The following PAK1 variants were observed in gnomAD, a reference collection of about 807,000 sequenced individuals.
The protein encoded by PAK1 is serine/threonine-protein kinase PAK 1.
A neutral mutation model predicts 67.4 loss-of-function variants in PAK1; 29 were observed. The ratio of observed to expected loss-of-function variants is 0.43; its 90% confidence interval spans 0.32 to 0.59. The LOEUF (loss-of-function observed/expected upper bound fraction) is 0.59. Ranked by LOEUF, PAK1 falls within the 20% of genes least tolerant of loss-of-function variation. The pLI, the probability that PAK1 is intolerant of heterozygous loss-of-function variation, is 0.07. For missense variants in PAK1, 337 were observed against 670.7 expected (o/e 0.50, Z 5.50); for synonymous variants, 223 against 237.4 (o/e 0.94, Z 0.56).
intron 13 of PAK1, among the ~76,000 whole-genome samples, chr11:77,333,332 G>C (rs1380657764): frequency 6.6e-6 from 1 of 151,552 alleles, no homozygotes; most frequent in Non-Finnish European, 1.5e-5. Flanking sequence ...CAAGTAGCTG[G>C]GATTACAGGC....
At chr11:77,437,459 A>T (rs1432153917) in intron 1 of PAK1, among the ~76,000 whole-genome samples, 1 of 152,330 alleles carries the variant, frequency 6.6e-6, no homozygotes, top group East Asian at 1.9e-4. Flanking sequence ...GATTATAATA[A>T]TATTATTAAT....
intron 1 of PAK1, among the ~76,000 whole-genome samples, chr11:77,439,626 G>A (rs1251609484): frequency 1.3e-5 from 2 of 152,084 alleles, no homozygotes; most frequent in African/African-American, 4.8e-5. Flanking sequence ...AAATACCCAA[G>A]GACTTTTCTG....
At chr11:77,446,499 G>A (rs574749254) in intron 1 of PAK1, among the ~76,000 whole-genome samples, 1 of 128,450 alleles carries the variant, frequency 7.8e-6, no homozygotes, top group South Asian at 2.4e-4. Context: ...GTGAAACAGC[G>A]AGACCCTGTC....
At chr11:77,349,997 T>TA (rs1565601550) in intron 8 of PAK1, among the ~76,000 whole-genome samples, 1 of 152,176 alleles carries the variant, frequency 6.6e-6, no homozygotes, top group Non-Finnish European at 1.5e-5. Flanking sequence ...GTTGTACACT[T>TA]ATGTATGCTA....
Position 77,359,004 on chromosome 11 carries a change from A to T in PAK1, c.491T>A (p.Val164Glu). The part of the protein sequence containing the change: ...NSSNALNVKA[V>E]SETPAVPPVS... ...TGGTGGCACTGCAGGAGTCTCAGACACAGCCTTCACATTCTGTGCAAAGAA... is the reference window on the plus strand; with the variant it reads ...TGGTGGCACTGCAGGAGTCTCAGACTCAGCCTTCACATTCTGTGCAAAGAA... Residue 164 changes from valine (V) to glutamate (E), a missense_variant, in exon 6 of 15, where the codon GTG becomes GAG. By Grantham distance (121) the Val-to-Glu change is moderately radical. Coordinates refer to ENST00000356341, the MANE Select transcript of PAK1 (RefSeq NM_002576.5). 6.2e-7 allele frequency: 1 copy of T among 1,613,216 alleles called. No individual in the cohort carries two copies. Among genetic ancestry groups the T allele is most frequent in the South Asian group, 1.1e-5 (1 of 91,060 alleles).
intron 2 of PAK1, among the ~76,000 whole-genome samples, chr11:77,388,338 T>C (rs1288048995): frequency 2.6e-5 from 4 of 152,232 alleles, no homozygotes; most frequent in African/African-American, 9.6e-5. Context: ...ATTTATGTAA[T>C]TATAGGATTC....
Position 77,379,887 on chromosome 11 carries a change from G to A in PAK1, c.291+7C>T. On this transcript the variant is annotated splice_region_variant and intron_variant, in intron 3 of 14. Coordinates refer to ENST00000356341, the MANE Select transcript of PAK1 (RefSeq NM_002576.5). ...GACTAAAGACCTTTCTGTGACCCAG[G>A]ACTTACCGTAAACTCCCCTGTGACA... The A allele has an allele frequency of 1.3e-6, 2 of 1,597,998 alleles. No homozygotes were observed. Among genetic ancestry groups the A allele is most frequent in the Non-Finnish European group, 1.7e-6 (2 of 1,165,618 alleles).
chr11:77,511,448 A>C, the PAK1 span, among the ~76,000 whole-genome samples: 1 of 152,110 alleles, frequency 6.6e-6, no homozygotes, highest in African/African-American at 2.4e-5. Flanking sequence ...TCCTTTCAGC[A>C]CTAAATCTCA....
the PAK1 span, among the ~76,000 whole-genome samples, chr11:77,502,370 C>T: frequency 6.6e-6 from 1 of 152,216 alleles, no homozygotes; most frequent in Non-Finnish European, 1.5e-5. Flanking sequence ...TATACAATCA[C>T]ACAGTTTTAA....
At chr11:77,351,519 AT>A (rs1421507789) in intron 8 of PAK1, among the ~76,000 whole-genome samples, 4 of 152,110 alleles carry the variant, frequency 2.6e-5, no homozygotes, top group Non-Finnish European at 5.9e-5. Flanking sequence ...AAGCAAAATA[AT>A]TTTTTTCTCA....
At chr11:77,402,887 G>A (rs1332135810) in intron 1 of PAK1, among the ~76,000 whole-genome samples, 1 of 152,164 alleles carries the variant, frequency 6.6e-6, no homozygotes, top group Non-Finnish European at 1.5e-5. Context: ...AGTCACCCAT[G>A]ATCACTCAAA....
intron 1 of PAK1, among the ~76,000 whole-genome samples, chr11:77,459,699 T>C (rs1363867880): frequency 4.0e-5 from 6 of 149,868 alleles, no homozygotes; most frequent in Admixed American, 6.6e-5. Context: ...TCTTTTTTTT[T>C]TTTTTTTTTT....
At chr11:77,448,485 C>G (rs772302888) in intron 1 of PAK1, among the ~76,000 whole-genome samples, 6 of 152,152 alleles carry the variant, frequency 3.9e-5, no homozygotes, top group Non-Finnish European at 8.8e-5. Context: ...GCCATTACAA[C>G]AGAGTAACAC....
intron 1 of PAK1, among the ~76,000 whole-genome samples, chr11:77,450,491 A>C (rs1956807288): frequency 6.6e-6 from 1 of 152,216 alleles, no homozygotes; most frequent in Admixed American, 6.5e-5. Context: ...AATCCTGCAA[A>C]TCCTTATGAT....
chr11:77,527,872 G>A, the PAK1 span, among the ~76,000 whole-genome samples: 3 of 151,468 alleles, frequency 2.0e-5, no homozygotes, highest in Non-Finnish European at 1.5e-5. Flanking sequence ...TTGAGACAGG[G>A]TCTCGCTCTG....
intron 2 of PAK1, among the ~76,000 whole-genome samples, chr11:77,387,037 G>A (rs1365862135): frequency 7.0e-6 from 1 of 142,840 alleles, no homozygotes; most frequent in Non-Finnish European, 1.5e-5. Flanking sequence ...GCCTCCCAAA[G>A]TGCTGGGGTT....
intron 1 of PAK1, among the ~76,000 whole-genome samples, chr11:77,464,217 G>A (rs1957489588): frequency 6.6e-6 from 1 of 151,988 alleles, no homozygotes; most frequent in African/African-American, 2.4e-5. Flanking sequence ...CTACTCTCAG[G>A]GCCTTTGTGC....
intron 5 of PAK1, among the ~76,000 whole-genome samples, chr11:77,362,451 C>T (rs1475697224): frequency 6.6e-6 from 1 of 152,204 alleles, no homozygotes; most frequent in East Asian, 1.9e-4. Context: ...TAATTCTCTC[C>T]AATTAAGGTT....
chr11:77,332,679 C>T (rs200351958), intron 14 of PAK1, 51 bp downstream of exon 14: 89 of 1,528,598 alleles, frequency 5.8e-5, no homozygotes, highest in Non-Finnish European at 7.3e-5. Context: ...TAAAAAAGGC[C>T]TGGTTTAGTG....
Sources: gnomAD v4.1 joint callset for allele counts (sites outside exome capture counted in the v4.1 genomes callset) on GRCh38, gnomAD v4.1.1 for gene constraint, MANE v1.5 for transcripts, NCBI Gene and HGNC (gene_info 2026-07-23, HGNC 2026-07-21) for gene names.